The following GPHN variants were observed in gnomAD, a reference collection of about 807,000 sequenced individuals.
GPHN encodes gephyrin.
In GPHN, 17 loss-of-function variants were observed where a neutral mutation model predicts 95.5. The observed-to-expected ratio is 0.18, with a 90% CI of 0.12 to 0.27. The LOEUF (loss-of-function observed/expected upper bound fraction) is 0.27. GPHN is among the 10% of genes least tolerant of loss of function. The pLI, the probability that GPHN is intolerant of heterozygous loss-of-function variation, is 1.00. For synonymous variants in GPHN, 320 were observed against 322.5 expected (o/e 0.99, Z 0.08); for missense variants, 660 against 978.1 (o/e 0.67, Z 4.34).
chr14:66,838,323 G>C (rs1172400606), intron 4 of GPHN, among the ~76,000 whole-genome samples: 1 of 151,988 alleles, frequency 6.6e-6, no homozygotes, highest in African/African-American at 2.4e-5. Flanking sequence ...AAGAGCTTTA[G>C]CTTTAAAAAT....
the GPHN span, among the ~76,000 whole-genome samples, chr14:67,657,897 C>T: frequency 1.3e-5 from 2 of 151,876 alleles, no homozygotes; most frequent in African/African-American, 4.8e-5. Context: ...TACAGGCACC[C>T]GCCACCACGC....
the GPHN span, among the ~76,000 whole-genome samples, chr14:67,561,781 G>C: frequency 6.6e-6 from 1 of 151,050 alleles, no homozygotes; most frequent in South Asian, 2.1e-4. Flanking sequence ...GAGGTGGGAG[G>C]ATCAGTTGGG....
At chr14:67,388,320 C>G in the GPHN span, 16 of 1,544,756 alleles carry the variant, frequency 1.0e-5, no homozygotes, top group Non-Finnish European at 2.7e-6. Context: ...GGAAAGGAGA[C>G]CCAATTAGGA....
chr14:67,116,170 C>A (rs929737951), intron 16 of GPHN, among the ~76,000 whole-genome samples: 7 of 151,960 alleles, frequency 4.6e-5, no homozygotes, highest in African/African-American at 1.7e-4. Flanking sequence ...ATGCTATGCC[C>A]CTGTAGTGTC....
At chr14:66,935,289 G>A (rs1000440501) in intron 8 of GPHN, among the ~76,000 whole-genome samples, 4 of 152,036 alleles carry the variant, frequency 2.6e-5, no homozygotes, top group Non-Finnish European at 5.9e-5. Flanking sequence ...ATCTTCTGGA[G>A]AAATCCAAAA....
chr14:66,757,824 C>T (rs2058618714), intron 2 of GPHN, among the ~76,000 whole-genome samples: 2 of 152,168 alleles, frequency 1.3e-5, no homozygotes, highest in African/African-American at 2.4e-5. Flanking sequence ...TCTTTCTGCT[C>T]CTTAATTCAG....
intron 2 of GPHN, among the ~76,000 whole-genome samples, chr14:66,708,201 C>T (rs904056960): frequency 7.2e-6 from 1 of 139,836 alleles, no homozygotes; most frequent in African/African-American, 3.1e-5. Flanking sequence ...AGTTTAGAGA[C>T]ATCTAAAAAC....
At chr14:67,171,864 T>A (rs1488417657) in intron 21 of GPHN, among the ~76,000 whole-genome samples, 1 of 151,956 alleles carries the variant, frequency 6.6e-6, no homozygotes. Context: ...AAGAACTCCC[T>A]TGGCAAGGAA....
chr14:66,895,518 A>G (rs2064794032), intron 5 of GPHN, among the ~76,000 whole-genome samples: 1 of 152,198 alleles, frequency 6.6e-6, no homozygotes. Context: ...TTTAAAAAAT[A>G]TGTTTATTTT....
intron 9 of GPHN, among the ~76,000 whole-genome samples, chr14:66,977,838 G>A (rs772338510): frequency 4.6e-5 from 7 of 152,054 alleles, no homozygotes; most frequent in South Asian, 2.1e-4. Context: ...GTAATTACAC[G>A]GATGTCCTTT....
chr14:67,659,601 A>G, the GPHN span: 2 of 940,684 alleles, frequency 2.1e-6, no homozygotes, highest in South Asian at 2.0e-5. Context: ...AGAAAAGAGG[A>G]TAAGGGTGAA....
At chr14:67,117,850 A>C (rs909387789) in intron 16 of GPHN, among the ~76,000 whole-genome samples, 1 of 152,186 alleles carries the variant, frequency 6.6e-6, no homozygotes, top group Non-Finnish European at 1.5e-5. Flanking sequence ...TAAGCATCAT[A>C]GACAAGGAAT....
At chr14:66,932,444 GTTTTTTTTTTTTTTTTTTT>G (rs35159325) in intron 8 of GPHN, among the ~76,000 whole-genome samples, 10 of 24,394 alleles carry the variant, frequency 4.1e-4, no homozygotes, top group Admixed American at 1.5e-3. Flanking sequence ...CCAAGACCAG[GTTTTTTTTTTTTTTTTTTT>G]TTTTTTTTTT....
At chr14:66,875,987 G>T (rs1471152394) in intron 4 of GPHN, among the ~76,000 whole-genome samples, 2 of 152,108 alleles carry the variant, frequency 1.3e-5, no homozygotes, top group African/African-American at 2.4e-5. Context: ...TTCTAAAATT[G>T]AGAACATAAT....
the GPHN span, chr14:67,333,236 CT>C: frequency 3.8e-6 from 1 of 263,616 alleles, no homozygotes; most frequent in Non-Finnish European, 7.2e-6. Context: ...CTGTTAAAAC[CT>C]TTTGTTTTCA....
chr14:66,839,394 C>T (rs1286572507), intron 4 of GPHN, among the ~76,000 whole-genome samples: 1 of 152,140 alleles, frequency 6.6e-6, no homozygotes, highest in Admixed American at 6.6e-5. Context: ...CTTCTTCACT[C>T]CTTTCTATAG....
chr14:67,272,862 T>C, the GPHN span, among the ~76,000 whole-genome samples: 4 of 152,054 alleles, frequency 2.6e-5, no homozygotes, highest in Non-Finnish European at 4.4e-5. Flanking sequence ...AGAGATGGGG[T>C]ATCACCATAT....
the GPHN span, among the ~76,000 whole-genome samples, chr14:67,378,314 CTTTTTTTTTTTTT>C: frequency 9.3e-6 from 1 of 107,630 alleles, no homozygotes; most frequent in East Asian, 2.7e-4. Flanking sequence ...TCTCATGTGA[CTTTTTTTTTTTTT>C]TTTTTTTTTT....
the GPHN span, among the ~76,000 whole-genome samples, chr14:67,696,931 C>T: frequency 6.6e-6 from 1 of 152,188 alleles, no homozygotes; most frequent in Non-Finnish European, 1.5e-5. Context: ...TCACACAATA[C>T]TAATTCCTAC....
Sources: gnomAD v4.1 joint callset for allele counts (sites outside exome capture counted in the v4.1 genomes callset) on GRCh38, gnomAD v4.1.1 for gene constraint, MANE v1.5 for transcripts, NCBI Gene and HGNC (gene_info 2026-07-23, HGNC 2026-07-21) for gene names.